The following IQCK variants were observed in gnomAD, a reference collection of about 807,000 sequenced individuals.
IQCK encodes the protein IQ domain-containing protein K.
IQCK carries 29 observed loss-of-function variants against 28.1 expected under a neutral mutation model. The ratio of observed to expected loss-of-function variants is 1.03; its 90% CI spans 0.77 to 1.41. IQCK has a LOEUF of 1.41. IQCK is among the 40% of genes most tolerant of loss of function. The pLI is 0.00. For missense variants in IQCK, 359 were observed against 314.7 expected (o/e 1.14, Z -1.07); for synonymous variants, 113 against 115.1 (o/e 0.98, Z 0.12).
downstream of IQCK, among the ~76,000 whole-genome samples, chr16:19,831,492 G>A (rs2056232748): frequency 6.6e-6 from 1 of 152,008 alleles, no homozygotes; most frequent in Non-Finnish European, 1.5e-5. Flanking sequence ...GGTAGTGTGG[G>A]GGGTTACAAA....
intron 4 of IQCK, among the ~76,000 whole-genome samples, chr16:19,742,926 T>G (rs1183334875): frequency 6.6e-6 from 1 of 152,186 alleles, no homozygotes; most frequent in Non-Finnish European, 1.5e-5. Context: ...CCCAGCACTT[T>G]GGGAGGCCGA....
chr16:19,749,833 A>G (rs1223748817), intron 4 of IQCK, among the ~76,000 whole-genome samples: 2 of 152,118 alleles, frequency 1.3e-5, no homozygotes, highest in Admixed American at 1.3e-4. Flanking sequence ...GGAACTATCC[A>G]TATTTTTATA....
At chr16:19,853,083 T>C (rs892660932) in intron 9 of IQCK, among the ~76,000 whole-genome samples, 2 of 152,182 alleles carry the variant, frequency 1.3e-5, no homozygotes, top group Non-Finnish European at 2.9e-5. Context: ...ACGAGCATCC[T>C]CCCAGTACAC....
rs1451813334 is a variant in IQCK at position 19,824,972 on chromosome 16, A to G, written c.691-2054A>G. Among the ~76,000 whole-genome samples, 6 of 152,280 alleles carry G rather than the reference A, an allele frequency of 3.9e-5. No individual in the cohort carries two copies. The East Asian group carries it at 1.2e-3, about 29-fold the overall frequency. On this transcript the variant is annotated intron_variant, in intron 7 of 7. Transcript: ENST00000564186. Reference sequence around the variant, plus strand: ...AGCCCAGGGGTTTTCTGACCTCTCCAAGGCTGGGTTCGATGCCCCTTTGTT... The same window carrying G: ...AGCCCAGGGGTTTTCTGACCTCTCCGAGGCTGGGTTCGATGCCCCTTTGTT...
intron 4 of IQCK, among the ~76,000 whole-genome samples, chr16:19,743,156 G>A (rs1036679223): frequency 6.6e-6 from 1 of 151,708 alleles, no homozygotes; most frequent in Non-Finnish European, 1.5e-5. Flanking sequence ...GGGTGGCAGA[G>A]TGAGATTCTG....
chr16:19,802,923 T>A (rs1476673592), intron 7 of IQCK, among the ~76,000 whole-genome samples: 2 of 152,188 alleles, frequency 1.3e-5, no homozygotes, highest in African/African-American at 4.8e-5. Flanking sequence ...TGCTGAGGAA[T>A]AAACACATAC....
chr16:19,798,349 A>G (rs1248751403), intron 7 of IQCK, among the ~76,000 whole-genome samples: 2 of 116,320 alleles, frequency 1.7e-5, no homozygotes, highest in Non-Finnish European at 1.5e-5. Context: ...ATCCAGGAGG[A>G]GGAAGTTTCA....
intron 1 of IQCK, among the ~76,000 whole-genome samples, chr16:19,729,084 CCT>C (rs1283491471): frequency 5.3e-5 from 8 of 152,146 alleles, no homozygotes; most frequent in Non-Finnish European, 1.0e-4. Context: ...ATTTTCTGTT[CCT>C]CTGTCAGTCA....
chr16:19,734,459 C>CAAAA (rs34178017), intron 3 of IQCK, among the ~76,000 whole-genome samples: 13 of 50,198 alleles, frequency 2.6e-4, no homozygotes, highest in African/African-American at 6.1e-4. Flanking sequence ...GACTCCATCA[C>CAAAA]AAAAAAAAAA....
intron 9 of IQCK, among the ~76,000 whole-genome samples, chr16:19,850,887 C>T (rs746325078): frequency 1.3e-5 from 2 of 151,886 alleles, no homozygotes; most frequent in Non-Finnish European, 2.9e-5. Flanking sequence ...CATGGTGGTG[C>T]GTGTGTGTGG....
At chr16:19,756,403 C>T (rs550273285) in intron 4 of IQCK, among the ~76,000 whole-genome samples, 2 of 152,204 alleles carry the variant, frequency 1.3e-5, no homozygotes, top group East Asian at 3.9e-4. Flanking sequence ...ACAGCAAAAT[C>T]GAGCCGAATA....
chr16:19,736,984 CAAAAAAAA>C (rs55687544), intron 4 of IQCK, among the ~76,000 whole-genome samples: 1 of 67,084 alleles, frequency 1.5e-5, no homozygotes, highest in Non-Finnish European at 3.8e-5. Context: ...CCGGTATTTA[CAAAAAAAA>C]AAAAAAAAAG....
downstream of IQCK, chr16:19,827,299 T>A: frequency 1.6e-6 from 1 of 606,788 alleles, no homozygotes; most frequent in Non-Finnish European, 2.9e-6. Flanking sequence ...TGCTATGGAA[T>A]GACAGAGGTG....
chr16:19,782,180 G>T (rs934553492), intron 6 of IQCK, among the ~76,000 whole-genome samples: 1 of 151,824 alleles, frequency 6.6e-6, no homozygotes, highest in East Asian at 1.9e-4. Flanking sequence ...CTTTACATCC[G>T]GGTTGTGCTT....
chr16:19,720,032 A>G (rs1030496625), intron 1 of IQCK, among the ~76,000 whole-genome samples: 6 of 152,120 alleles, frequency 3.9e-5, no homozygotes, highest in African/African-American at 2.4e-5. Context: ...TGTATTGGAT[A>G]GTGCAGGTCA....
At chr16:19,753,527 T>C (rs547167480) in intron 4 of IQCK, among the ~76,000 whole-genome samples, 4 of 152,246 alleles carry the variant, frequency 2.6e-5, no homozygotes, top group South Asian at 4.1e-4. Flanking sequence ...CCAAAGCCCA[T>C]AGTTTTTGCT....
intron 4 of IQCK, among the ~76,000 whole-genome samples, chr16:19,754,373 A>G (rs144544344): frequency 1.3e-5 from 2 of 152,336 alleles, no homozygotes; most frequent in Non-Finnish European, 2.9e-5. Flanking sequence ...AATAAATTTT[A>G]TGTCAGCTTT....
At chr16:19,764,075 T>G in exon 6 of IQCK, 2 of 1,614,008 alleles carry the variant, frequency 1.2e-6, no homozygotes, top group South Asian at 1.1e-5. Context: ...CACAGAATTT[T>G]TCTCCATTCC....
At chr16:19,746,683 C>T (rs189030352) in intron 4 of IQCK, among the ~76,000 whole-genome samples, 18 of 152,266 alleles carry the variant, frequency 1.2e-4, no homozygotes, top group African/African-American at 4.3e-4. Flanking sequence ...CAAAGTGATC[C>T]TCAAAGGACA....
Sources: gnomAD v4.1 joint callset for allele counts (sites outside exome capture counted in the v4.1 genomes callset) on GRCh38, gnomAD v4.1.1 for gene constraint, MANE v1.5 for transcripts, NCBI Gene and HGNC (gene_info 2026-07-23, HGNC 2026-07-21) for gene names.